CHCHD3: variants seen among roughly 807,000 people sequenced by gnomAD.
The protein encoded by CHCHD3 is coiled-coil-helix-coiled-coil-helix domain containing 3.
CHCHD3 carries 20 observed loss-of-function variants against 38.2 expected under a neutral mutation model. The observed-to-expected ratio is 0.52, with a 90% CI of 0.37 to 0.76. The LOEUF (loss-of-function observed/expected upper bound fraction) is 0.76, where lower values mean the gene tolerates loss of function less well. Among genes scored for constraint, CHCHD3 ranks in the 30% least tolerant of loss-of-function variants. The pLI, the probability that CHCHD3 is intolerant of heterozygous loss-of-function variation, is 0.00. For missense variants in CHCHD3, 245 were observed against 279.2 expected (o/e 0.88, Z 0.87); for synonymous variants, 82 against 100.0 (o/e 0.82, Z 1.07).
chr7:132,880,830 C>A (rs1809032110), intron 5 of CHCHD3, among the ~76,000 whole-genome samples: 1 of 151,698 alleles, frequency 6.6e-6, no homozygotes, highest in African/African-American at 2.4e-5. Context: ...ACAAAAAAAA[C>A]AGAATTCCCT....
chr7:132,908,838 ATT>A (rs2117215908), intron 4 of CHCHD3, among the ~76,000 whole-genome samples: 1 of 152,344 alleles, frequency 6.6e-6, no homozygotes, highest in African/African-American at 2.4e-5. Flanking sequence ...GTTATCTCAT[ATT>A]TGTTATATCA....
chr7:132,846,450 C>A (rs973302129), intron 5 of CHCHD3, among the ~76,000 whole-genome samples: 2 of 152,228 alleles, frequency 1.3e-5, no homozygotes, highest in African/African-American at 4.8e-5. Flanking sequence ...TGTTTTAAGC[C>A]ACTAAGTTTG....
At chr7:132,839,825 T>C (rs941687033) in intron 5 of CHCHD3, among the ~76,000 whole-genome samples, 1 of 152,230 alleles carries the variant, frequency 6.6e-6, no homozygotes, top group Non-Finnish European at 1.5e-5. Flanking sequence ...TTTGAGATGA[T>C]GAATGGCTTT....
intron 7 of CHCHD3, among the ~76,000 whole-genome samples, chr7:132,787,111 C>G (rs571753053): frequency 2.0e-5 from 3 of 152,042 alleles, no homozygotes; most frequent in Non-Finnish European, 4.4e-5. Flanking sequence ...GGGGAAGAAG[C>G]CTAGCACACA....
intron 4 of CHCHD3, among the ~76,000 whole-genome samples, chr7:132,893,832 C>A (rs1468737630): frequency 1.3e-5 from 2 of 152,178 alleles, no homozygotes; most frequent in African/African-American, 4.8e-5. Context: ...CCTTTGCCTT[C>A]TGCTATGATT....
rs375806587 is a variant in CHCHD3 at position 133,075,027 on chromosome 7, T to C, written c.82-4798A>G. 4.9e-4 allele frequency among the ~76,000 whole-genome samples: 75 copies of C among 152,320 alleles called. 1 individual carries two copies. The highest frequency in any genetic ancestry group is 3.2e-3 in the Admixed American group (49 of 15,294). ...TGCATGAGGACCAGGCCTGCAGCTA[T>C]TGCAAGCAGCAGCTGCCTAAGTCCT... On this transcript the variant is annotated intron_variant, in intron 1 of 7. Transcript: ENST00000262570.
intron 5 of CHCHD3, among the ~76,000 whole-genome samples, chr7:132,883,513 C>A (rs1043086590): frequency 5.9e-5 from 9 of 152,142 alleles, no homozygotes; most frequent in Admixed American, 5.9e-4. Context: ...CCAAATCAGG[C>A]CCAGTACCTG....
At chr7:133,069,562 C>A (rs1584686085) in intron 2 of CHCHD3, among the ~76,000 whole-genome samples, 2 of 152,222 alleles carry the variant, frequency 1.3e-5, no homozygotes, top group East Asian at 3.9e-4. Context: ...ACTGGATAAA[C>A]AGATGAGTGT....
Position 133,035,717 on chromosome 7 carries a change from A to C in CHCHD3, c.170-11090T>G, listed in dbSNP as rs1813654393. The C allele has an allele frequency of 6.2e-7, 1 of 1,613,312 alleles. No individual in the cohort carries two copies. The highest frequency in any genetic ancestry group is 1.1e-5 in the South Asian group (1 of 91,050). On this transcript the variant is annotated intron_variant, in intron 2 of 7. Transcript: ENST00000262570. The surrounding 1 kb of genome is among the most constrained non-coding windows in gnomAD (Gnocchi z 4.7). Reference sequence around the variant, plus strand: ...AGGCAATGGCGTTGCTCTCAAACACACAGAATCCATCATCACCCTCAAATG... The same window carrying C: ...AGGCAATGGCGTTGCTCTCAAACACCCAGAATCCATCATCACCCTCAAATG...
intron 5 of CHCHD3, among the ~76,000 whole-genome samples, chr7:132,872,589 G>A (rs6952177): frequency 0.35 from 52,991 of 152,034 alleles, 10,359 homozygotes; most frequent in African/African-American, 0.51. Flanking sequence ...TAGCCTATAC[G>A]CTATAGCCGT....
intron 4 of CHCHD3, among the ~76,000 whole-genome samples, chr7:132,906,676 T>C (rs1254416123): frequency 6.6e-6 from 1 of 151,774 alleles, no homozygotes; most frequent in Non-Finnish European, 1.5e-5. Flanking sequence ...GCAGTAATGA[T>C]GACATGATCA....
chr7:133,005,368 T>C (rs1812672680), intron 3 of CHCHD3, among the ~76,000 whole-genome samples: 1 of 152,238 alleles, frequency 6.6e-6, no homozygotes, highest in South Asian at 2.1e-4. Context: ...ACTAGACCTA[T>C]GCATCTCTTA....
chr7:132,857,332 C>T (rs532446453), intron 5 of CHCHD3, among the ~76,000 whole-genome samples: 3 of 152,308 alleles, frequency 2.0e-5, no homozygotes, highest in East Asian at 1.9e-4. Flanking sequence ...GTATCCCCGA[C>T]AAGTGATTGT....
rs142157785 is a variant in CHCHD3 at position 132,925,929 on chromosome 7, T to C, written c.370-40184A>G. ...GGGATGGCAGCCTGAAATACTATAG[T>C]AGGTTCAGCACCTACCAATGGTTCA... On this transcript the variant is annotated intron_variant, in intron 4 of 7. Transcript: ENST00000262570. Among the ~76,000 whole-genome samples, 150 of 152,266 alleles carry C rather than the reference T, an allele frequency of 9.9e-4. 1 individual carries two copies. The East Asian group carries it at 0.028, about 28-fold the overall frequency.
intron 2 of CHCHD3, among the ~76,000 whole-genome samples, chr7:133,048,675 C>T (rs1007893699): frequency 6.6e-6 from 1 of 152,088 alleles, no homozygotes; most frequent in African/African-American, 2.4e-5. Flanking sequence ...TAGGAAACTC[C>T]CCCCTAAAAC....
chr7:132,974,421 T>C (rs1036947747), intron 4 of CHCHD3, among the ~76,000 whole-genome samples: 38 of 152,302 alleles, frequency 2.5e-4, no homozygotes, highest in African/African-American at 9.1e-4. Flanking sequence ...TGGCTCTACA[T>C]TTTCTCTTCC....
At chr7:132,795,863 A>G (rs1161558409) in intron 7 of CHCHD3, among the ~76,000 whole-genome samples, 1 of 152,214 alleles carries the variant, frequency 6.6e-6, no homozygotes, top group Non-Finnish European at 1.5e-5. Context: ...TGTGAACATC[A>G]TATTGTTCTG....
At chr7:132,979,364 G>A (rs193257028) in intron 3 of CHCHD3, among the ~76,000 whole-genome samples, 181 of 152,222 alleles carry the variant, frequency 1.2e-3, no homozygotes, top group Non-Finnish European at 2.0e-3. Context: ...AATTTATTCA[G>A]TATATAATTA....
intron 6 of CHCHD3, among the ~76,000 whole-genome samples, chr7:132,818,224 C>G (rs1363933228): frequency 6.6e-6 from 1 of 152,206 alleles, no homozygotes; most frequent in Non-Finnish European, 1.5e-5. Flanking sequence ...TACAGCCTGC[C>G]TGACAATAAA....
Sources: allele counts gnomAD v4.1 joint callset (sites outside exome capture counted in the v4.1 genomes callset), GRCh38; gene constraint gnomAD v4.1.1; non-coding constraint Gnocchi (gnomAD v3.1); transcripts MANE v1.5; gene names NCBI Gene and HGNC (gene_info 2026-07-23, HGNC 2026-07-21).